Variants in PSMD12 observed in about 807,000 individuals in gnomAD.
The protein encoded by PSMD12 is 26S proteasome non-ATPase regulatory subunit 12.
PSMD12 carries 8 observed loss-of-function variants against 62.9 expected under a neutral mutation model. The observed-to-expected ratio is 0.13, with a 90% CI of 0.07 to 0.23. The LOEUF is 0.23. PSMD12 is among the 10% of genes least tolerant of loss of function. PSMD12 has a pLI of 1.00. For synonymous variants in PSMD12, 173 were observed against 187.4 expected, an observed-to-expected ratio of 0.92 and a Z score of 0.63; for missense variants, 424 against 550.2, an observed-to-expected ratio of 0.77 and a Z score of 2.29.
rs746524285 is a variant in PSMD12 at position 67,344,697 on chromosome 17, C to A, written c.992G>T (p.Gly331Val). The A allele has an allele frequency of 2.2e-5, 36 of 1,613,694 alleles. No individual in the cohort carries two copies. Among genetic ancestry groups the A allele is most frequent in the Middle Eastern group, 1.6e-4 (1 of 6,078 alleles). The stretch of plus-strand genomic sequence containing the variant: ...ATCCGTTGCAGGACTCTCAAGGGAA[C>A]CTTTTCTTAATTCCATTCCATAGTC... ...VEDYGMELRK[G>V]SLESPATDVF... Residue 331 changes from glycine (G) to valine (V), a missense_variant, in exon 9 of 11, where the codon GGT (glycine) becomes GTT (valine). Physicochemically the swap from Gly to Val is moderately radical, Grantham distance 109. Coordinates refer to ENST00000356126, the MANE Select transcript of PSMD12 (RefSeq NM_002816.5).
intron 3 of PSMD12, among the ~76,000 whole-genome samples, chr17:67,355,592 G>A (rs1482115374): frequency 6.6e-6 from 1 of 151,954 alleles, no homozygotes; most frequent in East Asian, 1.9e-4. Flanking sequence ...CTTTTACAAT[G>A]CCATTGTCTT....
At chr17:67,354,847 G>T (rs2042052071) in intron 3 of PSMD12, among the ~76,000 whole-genome samples, 1 of 152,038 alleles carries the variant, frequency 6.6e-6, no homozygotes, top group African/African-American at 2.4e-5. Context: ...AAAATTAGCT[G>T]GGTGTGGTGG....
intron 3 of PSMD12, among the ~76,000 whole-genome samples, chr17:67,354,422 G>C (rs1396232232): frequency 6.6e-6 from 1 of 151,160 alleles, no homozygotes. Context: ...AAAAAGGGAA[G>C]AAAAAAGTAA....
In PSMD12 at chr17:67,338,211, T is replaced by C. The variant is rs923754406; in HGVS notation, c.*2632A>G. 6.6e-6 allele frequency: 1 copy of C among 152,328 alleles called. No individual in the cohort carries two copies. Among genetic ancestry groups the C allele is most frequent in the East Asian group, 1.9e-4 (1 of 5,182 alleles). The allele number at this position is 152,328 out of a possible 1,614,324, so 9.4% of individuals were successfully genotyped here. On this transcript the variant is annotated 3_prime_UTR_variant, in exon 11 of 11. Transcript: ENST00000356126. The stretch of plus-strand genomic sequence containing the variant: ...AATGGCTCATCACCTCTCCTGCTGG[T>C]TAATACACTAATGACAATGAAATGG...
intron 4 of PSMD12, 39 bp downstream of exon 4, chr17:67,350,190 A>G: frequency 7.4e-7 from 1 of 1,352,058 alleles, no homozygotes; most frequent in South Asian, 1.3e-5. Flanking sequence ...CAGAAAAAAC[A>G]GTTCATATCA....
chr17:67,353,894 ATT>A (rs2042042498), intron 3 of PSMD12, among the ~76,000 whole-genome samples: 1 of 152,100 alleles, frequency 6.6e-6, no homozygotes, highest in African/African-American at 2.4e-5. Context: ...CTTCTTTCAC[ATT>A]TCTTTGTACA....
At position 67,338,550 on chromosome 17, in the gene PSMD12, T is replaced by C. The variant is rs1173728152; in HGVS notation, c.*2293A>G. 1 of 152,196 alleles carries C rather than the reference T, an allele frequency of 6.6e-6. No homozygotes were observed. Among genetic ancestry groups the C allele is most frequent in the Admixed American group, 6.5e-5 (1 of 15,270 alleles). The allele number at this position is 152,196 out of a possible 1,614,324, so 9.4% of individuals were successfully genotyped here. A position where few individuals can be genotyped will look rare whatever the true frequency, so the allele number is the denominator to read the frequency against. On this transcript the variant is annotated 3_prime_UTR_variant, in exon 11 of 11. Coordinates refer to ENST00000356126, the MANE Select transcript of PSMD12 (RefSeq NM_002816.5). ...CATAATACACAAAGAGCCTAGTGTG[T>C]GTTAAAGAAAGACGAAAGAGGAGTT... is the stretch of plus-strand genomic sequence containing the variant.
intron 7 of PSMD12, among the ~76,000 whole-genome samples, 176 bp from the exon 8 acceptor site, chr17:67,346,033 T>C (rs1415476988): frequency 6.6e-6 from 1 of 152,126 alleles, no homozygotes; most frequent in Non-Finnish European, 1.5e-5. Context: ...GCAGATCTCC[T>C]GAGGTCAGAT....
intron 3 of PSMD12, among the ~76,000 whole-genome samples, chr17:67,354,396 A>G (rs552777787): frequency 1.8e-3 from 269 of 150,868 alleles, no homozygotes; most frequent in African/African-American, 6.0e-3. Context: ...GGCGACAGAG[A>G]CTGTTTCAAA....
At chr17:67,351,676 T>C (rs923581304) in intron 3 of PSMD12, among the ~76,000 whole-genome samples, 2 of 152,058 alleles carry the variant, frequency 1.3e-5, no homozygotes, top group Non-Finnish European at 2.9e-5. Flanking sequence ...AGCGAACCTA[T>C]CACCCAAACA....
intron 7 of PSMD12, among the ~76,000 whole-genome samples, chr17:67,346,429 G>T (rs2041967782): frequency 6.6e-6 from 1 of 151,744 alleles, no homozygotes; most frequent in African/African-American, 2.4e-5. Flanking sequence ...GCTGGGCATG[G>T]TGGCACATGC....
At chr17:67,344,030 G>C (rs191173689) in intron 9 of PSMD12, among the ~76,000 whole-genome samples, 329 of 152,228 alleles carry the variant, frequency 2.2e-3, no homozygotes, top group African/African-American at 6.6e-3. Flanking sequence ...TTATTCTCCT[G>C]TGTGCCCTGG....
At chr17:67,354,279 C>T (rs2042046129) in intron 3 of PSMD12, among the ~76,000 whole-genome samples, 1 of 152,118 alleles carries the variant, frequency 6.6e-6, no homozygotes, top group South Asian at 2.1e-4. Flanking sequence ...GGTGTGATGG[C>T]TTGTGCCTGT....
chr17:67,359,334 G>C (rs565234850), intron 1 of PSMD12, among the ~76,000 whole-genome samples: 2 of 152,290 alleles, frequency 1.3e-5, no homozygotes, highest in African/African-American at 4.8e-5. Context: ...CAGCCTGGGT[G>C]ACAGAGTGAG....
chr17:67,353,411 G>C (rs924311152), intron 3 of PSMD12, among the ~76,000 whole-genome samples: 1 of 151,170 alleles, frequency 6.6e-6, no homozygotes, highest in Non-Finnish European at 1.5e-5. Context: ...GGGTTCAAGC[G>C]ATTCTCCTGC....
At chr17:67,342,058 C>G in intron 10 of PSMD12, 128 bp downstream of exon 10, 1 of 711,840 alleles carries the variant, frequency 1.4e-6, no homozygotes, top group Non-Finnish European at 2.3e-6. Flanking sequence ...CTCAAGATTG[C>G]TTGGGAAACT....
chr17:67,354,094 TAC>T (rs1381479073), intron 3 of PSMD12, among the ~76,000 whole-genome samples: 1 of 152,184 alleles, frequency 6.6e-6, no homozygotes. Context: ...TACATAAAAA[TAC>T]GTTTCTCCAT....
At chr17:67,349,368 G>A (rs1472283795) in intron 4 of PSMD12, among the ~76,000 whole-genome samples, 1 of 152,184 alleles carries the variant, frequency 6.6e-6, no homozygotes, top group African/African-American at 2.4e-5. Context: ...TACAGCTCTT[G>A]TGCACTTTAT....
chr17:67,357,407 G>A lies in PSMD12; in HGVS notation c.193C>T (p.Arg65Cys), dbSNP rs776108741. 3.0e-5 allele frequency: 48 copies of A among 1,613,354 alleles called. No individual in the cohort carries two copies. The highest frequency in any genetic ancestry group is 5.0e-5 in the Admixed American group (3 of 59,986). ...ATCTTCACTACTGCAACTAAGATAC[G>A]GGATGTCGATACCATATCGGAAGCC... ...RTASDMVSTSRILVAVVKMCY... is the reference protein window; with the variant it reads ...RTASDMVSTSCILVAVVKMCY... The change falls in exon 3 of 11, where the codon CGT (arginine) becomes TGT (cysteine). Residue 65 changes from arginine (R) to cysteine (C), a missense_variant. By Grantham distance (180) the Arg-to-Cys change is radical (BLOSUM62 -3). Coordinates refer to ENST00000356126, the MANE Select transcript of PSMD12 (RefSeq NM_002816.5).
Sources: allele counts gnomAD v4.1 joint callset (sites outside exome capture counted in the v4.1 genomes callset), GRCh38; gene constraint gnomAD v4.1.1; transcripts MANE v1.5; gene names NCBI Gene and HGNC (gene_info 2026-07-23, HGNC 2026-07-21).